The following DAPK1 variants were observed in gnomAD, a reference collection of about 807,000 sequenced individuals.
The protein encoded by DAPK1 is death-associated protein kinase 1.
In DAPK1, 56 loss-of-function variants were observed where a neutral mutation model predicts 144.9. That is an observed-to-expected ratio of 0.39 (90% confidence interval 0.31 to 0.48). The LOEUF (loss-of-function observed/expected upper bound fraction) is 0.48, where lower values mean the gene tolerates loss of function less well. Ranked by LOEUF, DAPK1 falls within the 20% of genes least tolerant of loss-of-function variation. DAPK1 has a pLI of 0.95. For synonymous variants in DAPK1, 690 were observed against 749.0 expected (o/e 0.92, Z 1.29); for missense variants, 1,454 against 1,875.4 (o/e 0.78, Z 4.15).
chr9:87,697,243 T>A, intron 22 of DAPK1, 39 bp downstream of exon 22: 1 of 967,006 alleles, frequency 1.0e-6, no homozygotes, highest in Non-Finnish European at 1.7e-6. Flanking sequence ...GTCCTACCTG[T>A]GGTTGGCCAG....
chr9:87,627,164 G>A (rs1248221357), intron 3 of DAPK1, among the ~76,000 whole-genome samples: 1 of 152,200 alleles, frequency 6.6e-6, no homozygotes, highest in Non-Finnish European at 1.5e-5. Flanking sequence ...GCGCCCACAT[G>A]GAGAGGGGTG....
chr9:87,666,215 A>C (rs1284766824), intron 18 of DAPK1, among the ~76,000 whole-genome samples: 4 of 152,130 alleles, frequency 2.6e-5, no homozygotes, highest in Non-Finnish European at 5.9e-5. Flanking sequence ...GAACCTGTGC[A>C]GGGAGGGTGC....
At chr9:87,700,024 A>G in intron 23 of DAPK1, 93 bp from the exon 24 acceptor site, 1 of 1,035,832 alleles carries the variant, frequency 9.7e-7, no homozygotes, top group East Asian at 2.4e-5. Flanking sequence ...CTTCCCTCCT[A>G]CCAGCCTCTT....
At position 87,706,881 on chromosome 9, in the gene DAPK1, C is replaced by T; in HGVS notation, c.3810C>T (p.Asn1270=). The change falls in exon 26 of 26, where the codon AAC becomes AAT. Residue 1270 remains asparagine, a synonymous_variant. Transcript: ENST00000408954. This position sits in a 1 kb window ranked among gnomAD's most constrained non-coding sequence, Gnocchi z 9.0. ...AQTLKETSLT[N]TMGGYKESFS... The stretch of plus-strand genomic sequence containing the variant: ...CTCTGAAGGAAACCTCACTGACCAA[C>T]ACCATGGGGGGGTACAAGGAAAGCT... 1 of 1,614,070 alleles carries T rather than the reference C, an allele frequency of 6.2e-7. No individual in the cohort carries two copies. The highest frequency in any genetic ancestry group is 2.2e-5 in the East Asian group (1 of 44,878).
At chr9:87,561,611 G>A (rs1332896912) in intron 2 of DAPK1, among the ~76,000 whole-genome samples, 1 of 152,116 alleles carries the variant, frequency 6.6e-6, no homozygotes, top group Non-Finnish European at 1.5e-5. Flanking sequence ...TATTTCTCTG[G>A]GTCATTAACT....
chr9:87,633,849 T>C (rs1317494499), intron 3 of DAPK1, among the ~76,000 whole-genome samples: 1 of 152,222 alleles, frequency 6.6e-6, no homozygotes, highest in Non-Finnish European at 1.5e-5. Context: ...TTGGGTTCCC[T>C]GGGAAGCAGA....
chr9:87,552,297 C>T (rs1826520610), intron 2 of DAPK1, among the ~76,000 whole-genome samples: 1 of 141,206 alleles, frequency 7.1e-6, no homozygotes. Context: ...GGACTTCAGT[C>T]CCAACCCCGC....
chr9:87,510,918 C>T (rs1347249542), intron 2 of DAPK1, among the ~76,000 whole-genome samples: 2 of 152,170 alleles, frequency 1.3e-5, no homozygotes, highest in Admixed American at 6.5e-5. Context: ...AAGTGCTTGG[C>T]ACAGTACTAG....
intron 17 of DAPK1, among the ~76,000 whole-genome samples, 159 bp downstream of exon 17, chr9:87,651,883 G>A (rs1830456768): frequency 6.9e-6 from 1 of 143,966 alleles, no homozygotes; most frequent in Non-Finnish European, 1.5e-5. Flanking sequence ...CTGATCCCGG[G>A]TCCTGATTCT....
At chr9:87,572,351 C>T (rs1004805651) in intron 2 of DAPK1, among the ~76,000 whole-genome samples, 3 of 152,084 alleles carry the variant, frequency 2.0e-5, no homozygotes, top group African/African-American at 2.4e-5. Context: ...GAAGTCGTGC[C>T]GTTATAGATG....
At chr9:87,521,050 T>G (rs2118237821) in intron 2 of DAPK1, among the ~76,000 whole-genome samples, 1 of 152,356 alleles carries the variant, frequency 6.6e-6, no homozygotes, top group African/African-American at 2.4e-5. Context: ...TTAAATCTAA[T>G]ATGTGATCTA....
intron 2 of DAPK1, among the ~76,000 whole-genome samples, chr9:87,519,269 T>C (rs1019854407): frequency 6.6e-6 from 1 of 152,218 alleles, no homozygotes; most frequent in African/African-American, 2.4e-5. Context: ...TCTTCTCAGG[T>C]TTCCACAGTT....
chr9:87,693,341 T>G (rs965630343), intron 21 of DAPK1, among the ~76,000 whole-genome samples: 10 of 151,956 alleles, frequency 6.6e-5, no homozygotes, highest in African/African-American at 2.4e-4. Flanking sequence ...AAATTCTTCC[T>G]TCTGCTTGAT....
At chr9:87,549,186 C>G (rs1563987222) in intron 2 of DAPK1, among the ~76,000 whole-genome samples, 1 of 152,078 alleles carries the variant, frequency 6.6e-6, no homozygotes, top group Admixed American at 6.6e-5. Flanking sequence ...TGAGAACATG[C>G]AGTGTTTGGT....
intron 2 of DAPK1, among the ~76,000 whole-genome samples, chr9:87,533,269 G>A (rs1338468587): frequency 6.6e-6 from 1 of 152,230 alleles, no homozygotes; most frequent in African/African-American, 2.4e-5. Flanking sequence ...AAACTGTTGG[G>A]AGAACTACAT....
chr9:87,584,490 T>C (rs1338523905), intron 2 of DAPK1, among the ~76,000 whole-genome samples: 1 of 152,192 alleles, frequency 6.6e-6, no homozygotes, highest in African/African-American at 2.4e-5. Context: ...TGTTGGACCA[T>C]ATGGTAGTTC....
Position 87,706,528 on chromosome 9 carries a change from T to C in DAPK1, c.3457T>C (p.Cys1153Arg). The C allele has an allele frequency of 6.2e-7, 1 of 1,614,098 alleles. No homozygotes were observed. The change falls in exon 26 of 26, where the codon TGC becomes CGC. Residue 1153 changes from cysteine to arginine, a missense_variant. Around this residue, in one of 2 missense-constraint regions of DAPK1, gnomAD observed 1,025 missense variants for 1,237.9 expected, o/e 0.83. Transcript: ENST00000408954. The surrounding 1 kb of genome is among the most constrained non-coding windows in gnomAD (Gnocchi z 9.0). The stretch of plus-strand genomic sequence containing the variant: ...CTTTCACAAGGTCCAGGTGAACCTG[T>C]GCCGGTGGATCCACCAGCAAAGCAC... ...GIFHKVQVNL[C>R]RWIHQQSTEG...
At chr9:87,543,060 ATAAG>A (rs776259044) in intron 2 of DAPK1, among the ~76,000 whole-genome samples, 1 of 152,236 alleles carries the variant, frequency 6.6e-6, no homozygotes, top group Non-Finnish European at 1.5e-5. Context: ...AATTATTTTA[ATAAG>A]TAGGGATTTA....
chr9:87,518,105 GTTTTTTTTTTTTTTT>G (rs1178414186), intron 2 of DAPK1, among the ~76,000 whole-genome samples: 1 of 35,614 alleles, frequency 2.8e-5, no homozygotes, highest in Non-Finnish European at 1.1e-4. Context: ...TTATGTTGTT[GTTTTTTTTTTTTTTT>G]TTTTTTTCTG....
Sources: gnomAD v4.1 joint callset for allele counts (sites outside exome capture counted in the v4.1 genomes callset) on GRCh38, gnomAD v4.1.1 for gene constraint, gnomAD v4.1.1 regional missense constraint, Gnocchi (gnomAD v3.1) non-coding constraint, MANE v1.5 for transcripts, NCBI Gene and HGNC (gene_info 2026-07-23, HGNC 2026-07-21) for gene names.